The following RSRC1 variants were observed in gnomAD, a reference collection of about 807,000 sequenced individuals.
RSRC1 encodes the protein serine/Arginine-related protein 53.
A neutral mutation model predicts 49.1 loss-of-function variants in RSRC1; 39 were observed. The observed-to-expected ratio is 0.79, with a 90% CI of 0.61 to 1.04. The LOEUF is 1.04. RSRC1 is among the 50% of genes least tolerant of loss of function. The probability of loss-of-function intolerance (pLI) is 0.00; values close to 1 mark genes in which losing one functional copy is unlikely to be tolerated. For missense variants in RSRC1, 388 were observed against 402.4 expected (o/e 0.96, Z 0.31); for synonymous variants, 143 against 130.8 (o/e 1.09, Z -0.63).
intron 5 of RSRC1, among the ~76,000 whole-genome samples, chr3:158,311,402 TA>T (rs1467693261): frequency 6.6e-6 from 1 of 151,990 alleles, no homozygotes; most frequent in Non-Finnish European, 1.5e-5. Context: ...AATAGATGTA[TA>T]ATCTAATTTT....
chr3:158,440,615 A>AC (rs1736332013), intron 6 of RSRC1, among the ~76,000 whole-genome samples: 3 of 152,006 alleles, frequency 2.0e-5, no homozygotes, highest in Admixed American at 6.6e-5. Context: ...CACACACACA[A>AC]ATCCACACCA....
chr3:158,423,964 T>G (rs199818681), intron 6 of RSRC1, among the ~76,000 whole-genome samples: 72,162 of 146,446 alleles, frequency 0.49, 18,109 homozygotes, highest in South Asian at 0.58. Flanking sequence ...AGCTTAAGGA[T>G]ATTTTGGGCT....
intron 7 of RSRC1, among the ~76,000 whole-genome samples, chr3:158,486,352 T>C (rs1160238148): frequency 6.6e-6 from 1 of 152,108 alleles, no homozygotes; most frequent in East Asian, 1.9e-4. Flanking sequence ...CATCCTTCTG[T>C]TGGCAAAATC....
intron 1 of RSRC1, among the ~76,000 whole-genome samples, chr3:158,113,371 CT>C (rs34005788): frequency 4.0e-4 from 55 of 138,550 alleles, no homozygotes; most frequent in Non-Finnish European, 3.8e-4. Flanking sequence ...TGTTTTTTGA[CT>C]TTTTTTTTTT....
chr3:158,346,671 A>G (rs1037343051), intron 5 of RSRC1, among the ~76,000 whole-genome samples: 1 of 152,198 alleles, frequency 6.6e-6, no homozygotes, highest in African/African-American at 2.4e-5. Context: ...CTCATACCCT[A>G]CTGGTGGGAT....
intron 5 of RSRC1, among the ~76,000 whole-genome samples, chr3:158,344,703 A>C (rs138057635): frequency 1.3e-5 from 2 of 152,226 alleles, no homozygotes; most frequent in African/African-American, 4.8e-5. Flanking sequence ...TGCTAACCAC[A>C]TGGATAAATA....
At chr3:158,257,215 T>C (rs1038166765) in intron 4 of RSRC1, among the ~76,000 whole-genome samples, 14 of 152,304 alleles carry the variant, frequency 9.2e-5, no homozygotes, top group African/African-American at 3.1e-4. Flanking sequence ...CATTTAGTAC[T>C]ATAAATTTCC....
chr3:158,193,741 A>C (rs1720374716), intron 3 of RSRC1, among the ~76,000 whole-genome samples: 1 of 152,128 alleles, frequency 6.6e-6, no homozygotes, highest in Admixed American at 6.6e-5. Context: ...AAATTTAATC[A>C]GAAAAGAATC....
chr3:158,394,052 ACC>A (rs1190174417), intron 6 of RSRC1, among the ~76,000 whole-genome samples: 4 of 152,088 alleles, frequency 2.6e-5, no homozygotes, highest in Non-Finnish European at 5.9e-5. Flanking sequence ...TAAAACAGAA[ACC>A]ACATGATCAT....
At chr3:158,369,683 A>T (rs1192268061) in intron 6 of RSRC1, among the ~76,000 whole-genome samples, 1 of 152,028 alleles carries the variant, frequency 6.6e-6, no homozygotes, top group Non-Finnish European at 1.5e-5. Context: ...CTTTCAGAAA[A>T]TTTTTGTAAT....
At chr3:158,196,362 C>T (rs1346052687) in intron 3 of RSRC1, among the ~76,000 whole-genome samples, 2 of 152,162 alleles carry the variant, frequency 1.3e-5, no homozygotes, top group African/African-American at 4.8e-5. Context: ...TATCCTGAGA[C>T]TTTGCTGAAG....
chr3:158,410,995 C>T (rs1734436482), intron 6 of RSRC1, among the ~76,000 whole-genome samples: 1 of 151,994 alleles, frequency 6.6e-6, no homozygotes, highest in Non-Finnish European at 1.5e-5. Context: ...TTTGTAGTTT[C>T]ACTATGTATT....
rs1294656965 is a variant in RSRC1, at chr3:158,282,273, A to G, written c.495-15766A>G. Among the ~76,000 whole-genome samples, 7 of 152,228 alleles carry G rather than the reference A, an allele frequency of 4.6e-5. No individual in the cohort carries two copies. The East Asian group carries it at 1.3e-3, about 29-fold the overall frequency. ...GGCAATGCATTTGACCTTGGTATCCACAGATTTAATATTCTGTCTATTCAA... is the reference window on the plus strand; with the variant it reads ...GGCAATGCATTTGACCTTGGTATCCGCAGATTTAATATTCTGTCTATTCAA... On this transcript the variant is annotated intron_variant, in intron 4 of 9. Transcript: ENST00000611884.
chr3:158,428,025 A>G (rs953581017), intron 6 of RSRC1, among the ~76,000 whole-genome samples: 2 of 151,804 alleles, frequency 1.3e-5, no homozygotes, highest in African/African-American at 2.4e-5. Context: ...ATTTCTGTCT[A>G]TGAAACCACA....
At chr3:158,492,305 A>G (rs1317826006) in intron 7 of RSRC1, among the ~76,000 whole-genome samples, 1 of 152,246 alleles carries the variant, frequency 6.6e-6, no homozygotes, top group African/African-American at 2.4e-5. Flanking sequence ...GAGCCAAACC[A>G]TATCACTCTA....
intron 5 of RSRC1, among the ~76,000 whole-genome samples, chr3:158,299,140 C>A (rs2108119502): frequency 6.6e-6 from 1 of 152,046 alleles, no homozygotes; most frequent in East Asian, 1.9e-4. Context: ...TTATTTTCAT[C>A]ATTAAAAAAT....
chr3:158,212,562 C>G (rs1030662596), intron 4 of RSRC1, among the ~76,000 whole-genome samples: 11 of 151,832 alleles, frequency 7.2e-5, no homozygotes, highest in Admixed American at 6.6e-5. Context: ...ATTTCAGGAA[C>G]TTAATTGATA....
chr3:158,472,897 TTA>T (rs1354043570), intron 7 of RSRC1, among the ~76,000 whole-genome samples: 1 of 152,140 alleles, frequency 6.6e-6, no homozygotes, highest in Non-Finnish European at 1.5e-5. Flanking sequence ...TTTTGGTGTT[TTA>T]GACATGAAGT....
chr3:158,178,461 C>T (rs1267110740), intron 3 of RSRC1, among the ~76,000 whole-genome samples: 1 of 152,088 alleles, frequency 6.6e-6, no homozygotes, highest in Non-Finnish European at 1.5e-5. Flanking sequence ...ATTTTAGTCT[C>T]CTATTTTTCC....
Sources: gnomAD v4.1 joint callset for allele counts (sites outside exome capture counted in the v4.1 genomes callset) on GRCh38, gnomAD v4.1.1 for gene constraint, MANE v1.5 for transcripts, NCBI Gene and HGNC (gene_info 2026-07-23, HGNC 2026-07-21) for gene names.